The following ADCY2 variants were observed in gnomAD, a reference collection of about 807,000 sequenced individuals.
The protein encoded by ADCY2 is adenylate cyclase type 2.
Under a neutral mutation model 125.2 loss-of-function variants are expected in ADCY2, and 31 were observed. The observed-to-expected ratio is 0.25, with a 90% CI of 0.19 to 0.33. The LOEUF is 0.33. Among genes scored for constraint, ADCY2 ranks in the 10% least tolerant of loss-of-function variants. ADCY2 has a pLI of 1.00. For missense variants in ADCY2, 904 were observed against 1,418.2 expected (o/e 0.64, Z 5.82); for synonymous variants, 512 against 548.4 (o/e 0.93, Z 0.93).
intron 1 of ADCY2, among the ~76,000 whole-genome samples, chr5:7,408,341 T>A (rs1272860877): frequency 6.6e-6 from 1 of 152,206 alleles, no homozygotes; most frequent in Non-Finnish European, 1.5e-5. Flanking sequence ...GTTTTCATTA[T>A]TCTTTGAAAA....
chr5:7,421,930 A>T (rs1255474141), intron 2 of ADCY2, among the ~76,000 whole-genome samples: 1 of 152,244 alleles, frequency 6.6e-6, no homozygotes, highest in Non-Finnish European at 1.5e-5. Flanking sequence ...ATAAACACTC[A>T]TGAATGTAAA....
chr5:7,749,991 G>A (rs527904841), intron 15 of ADCY2, among the ~76,000 whole-genome samples: 3 of 152,086 alleles, frequency 2.0e-5, no homozygotes, highest in Non-Finnish European at 4.4e-5. Flanking sequence ...TCTACTTTCA[G>A]CTTTTCCTTG....
chr5:7,550,036 T>C (rs1007910380), intron 3 of ADCY2, among the ~76,000 whole-genome samples: 1 of 152,144 alleles, frequency 6.6e-6, no homozygotes, highest in African/African-American at 2.4e-5. Flanking sequence ...CCCAGGGATA[T>C]TTTGCAGATA....
chr5:7,659,379 A>G (rs1252554317), intron 4 of ADCY2, among the ~76,000 whole-genome samples: 2 of 152,170 alleles, frequency 1.3e-5, no homozygotes, highest in Non-Finnish European at 2.9e-5. Context: ...TTTGTGTTCT[A>G]TTTATCTTTA....
In ADCY2 at chr5:7,707,716, A is replaced by T; in HGVS notation, c.1279A>T (p.Ile427Phe). ...AAAATGCAATTTCAGACGTGTTCAC[A>T]TTTCTTCTGTCACCCTGGAGCACTT... ...EAGGVPGRVH[I>F]SSVTLEHLNG... Residue 427 changes from isoleucine (I) to phenylalanine (F), a missense_variant, in exon 9 of 25, where the codon ATT becomes TTT. This residue lies in a region of ADCY2 where 144 missense variants were observed against 227.7 expected (regional missense o/e 0.63). Transcript: ENST00000338316. The T allele has an allele frequency of 6.2e-7, 1 of 1,614,072 alleles. No homozygotes were observed. Among genetic ancestry groups the T allele is most frequent in the African/African-American group, 1.3e-5 (1 of 75,060 alleles).
At chr5:7,784,297 A>C in intron 18 of ADCY2, 68 bp from the exon 19 acceptor site, 1 of 1,133,958 alleles carries the variant, frequency 8.8e-7, no homozygotes, top group Non-Finnish European at 1.3e-6. Context: ...TTGATATTCA[A>C]ATTCTAAGTC....
intron 2 of ADCY2, among the ~76,000 whole-genome samples, chr5:7,426,876 C>T (rs912516640): frequency 6.6e-6 from 1 of 152,032 alleles, no homozygotes; most frequent in African/African-American, 2.4e-5. Flanking sequence ...GCTCACCAGG[C>T]GCAGAATTTA....
chr5:7,521,544 A>G (rs1053860243), intron 3 of ADCY2, among the ~76,000 whole-genome samples: 2 of 152,232 alleles, frequency 1.3e-5, no homozygotes, highest in African/African-American at 4.8e-5. Context: ...TGTTTTACCT[A>G]TTAAAAGTGC....
chr5:7,403,676 A>G (rs1739352676), intron 1 of ADCY2, among the ~76,000 whole-genome samples: 1 of 152,170 alleles, frequency 6.6e-6, no homozygotes, highest in East Asian at 1.9e-4. Flanking sequence ...ATTGGATTTT[A>G]TCATTCTTTT....
chr5:7,826,995 T>G lies in ADCY2; in HGVS notation c.*124T>G, dbSNP rs1356403907. 9.1e-6 allele frequency: 11 copies of G among 1,209,108 alleles called. No individual in the cohort carries two copies. The highest frequency in any genetic ancestry group is 1.3e-5 in the Non-Finnish European group (11 of 876,078). 74.9% of individuals were successfully genotyped at this position (1,209,108 alleles called of 1,614,324 possible). A position where few individuals can be genotyped will look rare whatever the true frequency, so the allele number is the denominator to read the frequency against. Reference sequence around the variant, plus strand: ...TCTGTCCTATGGAGCCTCTGCAGACTCGTTCTCGTGACCCAGTGGCATACC... The same window carrying G: ...TCTGTCCTATGGAGCCTCTGCAGACGCGTTCTCGTGACCCAGTGGCATACC... On this transcript the variant is annotated 3_prime_UTR_variant, in exon 25 of 25. Transcript: ENST00000338316.
intron 4 of ADCY2, among the ~76,000 whole-genome samples, chr5:7,650,654 G>A (rs1465717803): frequency 6.6e-6 from 1 of 152,138 alleles, no homozygotes; most frequent in Non-Finnish European, 1.5e-5. Context: ...ATTTCTGTAT[G>A]TTCCAGTATT....
chr5:7,554,046 A>G, intron 3 of ADCY2, among the ~76,000 whole-genome samples: 1 of 152,200 alleles, frequency 6.6e-6, no homozygotes. Context: ...AAAATCAGCC[A>G]TTCAAGCATC....
At chr5:7,809,889 A>C (rs1319859937) in intron 22 of ADCY2, among the ~76,000 whole-genome samples, 1 of 152,248 alleles carries the variant, frequency 6.6e-6, no homozygotes, top group Non-Finnish European at 1.5e-5. Flanking sequence ...TTTGTAAAAG[A>C]AACAGGCATT....
intron 3 of ADCY2, among the ~76,000 whole-genome samples, chr5:7,560,170 A>G (rs1735663787): frequency 6.6e-6 from 1 of 152,220 alleles, no homozygotes; most frequent in Non-Finnish European, 1.5e-5. Context: ...TCAAGATGCC[A>G]TTTTGTAAAA....
chr5:7,710,431 TG>T (rs1741402865), intron 10 of ADCY2, among the ~76,000 whole-genome samples: 1 of 152,146 alleles, frequency 6.6e-6, no homozygotes, highest in Admixed American at 6.5e-5. Flanking sequence ...TGTGAGGTGC[TG>T]ATGAGGGCCA....
At chr5:7,476,224 TAA>T (rs376004084) in intron 2 of ADCY2, among the ~76,000 whole-genome samples, 9 of 140,862 alleles carry the variant, frequency 6.4e-5, no homozygotes. Context: ...TGGATGGGGG[TAA>T]AAAAAAAAAA....
intron 6 of ADCY2, among the ~76,000 whole-genome samples, chr5:7,697,167 C>T (rs1340530094): frequency 6.6e-6 from 1 of 152,000 alleles, no homozygotes. Context: ...ATTAAATCTG[C>T]AGGAGCGCTA....
chr5:7,618,938 C>G (rs1323660156), intron 3 of ADCY2, among the ~76,000 whole-genome samples: 1 of 152,084 alleles, frequency 6.6e-6, no homozygotes, highest in African/African-American at 2.4e-5. Context: ...AAAAATGTGT[C>G]CTCCTGTTGT....
intron 4 of ADCY2, among the ~76,000 whole-genome samples, chr5:7,640,646 T>C (rs916970706): frequency 3.3e-5 from 5 of 152,094 alleles, no homozygotes; most frequent in African/African-American, 1.2e-4. Flanking sequence ...ATGACTACTG[T>C]CTTCTGCCTT....
Sources: allele counts gnomAD v4.1 joint callset (sites outside exome capture counted in the v4.1 genomes callset), GRCh38; gene constraint gnomAD v4.1.1; regional missense constraint gnomAD v4.1.1; transcripts MANE v1.5; gene names NCBI Gene and HGNC (gene_info 2026-07-23, HGNC 2026-07-21).